ZRANB3: variants seen among roughly 807,000 people sequenced by gnomAD.
The protein encoded by ZRANB3 is zinc finger RANBP2-type containing 3.
ZRANB3 carries 125 observed loss-of-function variants against 133.8 expected under a neutral mutation model. The observed-to-expected ratio is 0.93, with a 90% confidence interval of 0.81 to 1.08. The LOEUF (loss-of-function observed/expected upper bound fraction) is 1.08. Among genes scored for constraint, ZRANB3 ranks in the 50% least tolerant of loss-of-function variants. The pLI is 0.00. For synonymous variants in ZRANB3, 387 were observed against 432.7 expected (o/e 0.89, Z 1.31); for missense variants, 1,229 against 1,275.5 (o/e 0.96, Z 0.56).
intron 1 of ZRANB3, among the ~76,000 whole-genome samples, chr2:135,513,278 G>A (rs1477070340): frequency 1.3e-5 from 2 of 152,096 alleles, no homozygotes; most frequent in East Asian, 3.9e-4. Context: ...AATGAACAAA[G>A]CTAGAGGACT....
At chr2:135,339,387 C>T (rs1157850091) in intron 6 of ZRANB3, among the ~76,000 whole-genome samples, 2 of 150,338 alleles carry the variant, frequency 1.3e-5, no homozygotes, top group South Asian at 2.1e-4. Flanking sequence ...CTGGGTGACA[C>T]AGCAAGACTC....
chr2:135,355,244 T>C lies in ZRANB3; in HGVS notation c.181-1616A>G, dbSNP rs1343030273. The C allele has an allele frequency of 7.1e-6, 7 of 985,322 alleles. No individual in the cohort carries two copies. The African/African-American group carries it at 1.0e-4, about 15-fold the overall frequency. The allele number at this position is 985,322 out of a possible 1,614,324, so 61.0% of individuals were successfully genotyped here. A position where few individuals can be genotyped will look rare whatever the true frequency, so the allele number is the denominator to read the frequency against. On this transcript the variant is annotated intron_variant, in intron 3 of 20. Coordinates refer to ENST00000264159, the MANE Select transcript of ZRANB3 (RefSeq NM_032143.4). ...ATTTACACATTCGTTGGATAATAAT[T>C]AGTATGTTTCCGTGTCTTCAAAGCC...
intron 3 of ZRANB3, among the ~76,000 whole-genome samples, chr2:135,384,672 T>A (rs1158443988): frequency 1.3e-5 from 2 of 152,244 alleles, no homozygotes; most frequent in Admixed American, 6.5e-5. Flanking sequence ...ATCCCTGGGA[T>A]GCAAGGCTGG....
intron 2 of ZRANB3, among the ~76,000 whole-genome samples, chr2:135,427,005 A>C (rs2104976903): frequency 6.7e-6 from 1 of 149,094 alleles, no homozygotes; most frequent in Non-Finnish European, 1.5e-5. Context: ...TTTTCAATAA[A>C]ATTCAACATC....
intron 1 of ZRANB3, among the ~76,000 whole-genome samples, chr2:135,505,376 C>T (rs941457316): frequency 6.6e-6 from 1 of 152,028 alleles, no homozygotes; most frequent in African/African-American, 2.4e-5. Context: ...GAGTTCAAGA[C>T]CAGACTGGCC....
chr2:135,440,742 G>A (rs1381754167), intron 2 of ZRANB3, among the ~76,000 whole-genome samples: 1 of 152,168 alleles, frequency 6.6e-6, no homozygotes, highest in East Asian at 1.9e-4. Context: ...ATTCTGAGCA[G>A]GGTATCCAGC....
chr2:135,396,595 T>C (rs968169466), intron 2 of ZRANB3, among the ~76,000 whole-genome samples: 5 of 152,092 alleles, frequency 3.3e-5, no homozygotes, highest in African/African-American at 1.2e-4. Context: ...CTCACTTATG[T>C]GTGGGAATCC....
At chr2:135,306,521 T>C (rs1435836968) in intron 8 of ZRANB3, among the ~76,000 whole-genome samples, 1 of 151,654 alleles carries the variant, frequency 6.6e-6, no homozygotes, top group African/African-American at 2.4e-5. Flanking sequence ...CTTGATCTTC[T>C]GACCTCGTGA....
At chr2:135,311,403 T>C (rs143675134) in intron 8 of ZRANB3, among the ~76,000 whole-genome samples, 1 of 151,986 alleles carries the variant, frequency 6.6e-6, no homozygotes, top group East Asian at 1.9e-4. Flanking sequence ...ATTTGGCAGT[T>C]TTTTTTATCA....
chr2:135,201,250 T>G (rs189646450), intron 20 of ZRANB3, among the ~76,000 whole-genome samples: 103 of 152,358 alleles, frequency 6.8e-4, no homozygotes, highest in African/African-American at 2.3e-3. Context: ...CTTAATTCTC[T>G]TATAGGTCTT....
chr2:135,455,595 T>C (rs1216370439), intron 2 of ZRANB3, among the ~76,000 whole-genome samples: 6 of 145,428 alleles, frequency 4.1e-5, no homozygotes, highest in African/African-American at 1.0e-4. Context: ...TTTTCTTTTT[T>C]TTTTTTTTTT....
At chr2:135,471,720 A>G (rs1247125020) in intron 2 of ZRANB3, among the ~76,000 whole-genome samples, 1 of 152,226 alleles carries the variant, frequency 6.6e-6, no homozygotes, top group African/African-American at 2.4e-5. Context: ...AGTTTTCTCG[A>G]TAGTACATCA....
chr2:135,391,582 CT>C (rs200286702), intron 2 of ZRANB3, among the ~76,000 whole-genome samples: 637 of 142,058 alleles, frequency 4.5e-3, no homozygotes, highest in African/African-American at 0.011. Flanking sequence ...TTATTTCTTT[CT>C]TTTTTTTTTT....
rs781463482 is a variant in ZRANB3 at position 135,265,657 on chromosome 2, A to G, written c.1416T>C (p.Gly472=). 6 of 1,613,648 alleles carry G rather than the reference A, an allele frequency of 3.7e-6. No individual in the cohort carries two copies. Among genetic ancestry groups the G allele is most frequent in the Admixed American group, 3.3e-5 (2 of 59,994 alleles). Residue 472 remains glycine (G), a synonymous_variant, in exon 12 of 21, where the codon GGT becomes GGC. Transcript: ENST00000264159. ...KAQVTGSTLN[G]RKEKIQAEEG... ...CCTCAGCCTGAATTTTTTCTTTCCT[A>G]CCGTTCAGTGTGCTCCCTGTAACTT...
At chr2:135,454,013 T>C (rs1690387064) in intron 2 of ZRANB3, among the ~76,000 whole-genome samples, 1 of 152,194 alleles carries the variant, frequency 6.6e-6, no homozygotes, top group Non-Finnish European at 1.5e-5. Flanking sequence ...GCCTCAGAAT[T>C]ATGACAGGAG....
At chr2:135,245,631 T>A (rs1315191927) in intron 12 of ZRANB3, among the ~76,000 whole-genome samples, 2 of 151,634 alleles carry the variant, frequency 1.3e-5, no homozygotes, top group African/African-American at 4.8e-5. Context: ...TTTTGTATTT[T>A]TAATAGAGAC....
chr2:135,331,874 C>CT (rs561139615), intron 6 of ZRANB3, among the ~76,000 whole-genome samples: 1 of 151,088 alleles, frequency 6.6e-6, no homozygotes, highest in Admixed American at 6.6e-5. Context: ...GAGACTTTTA[C>CT]TTTTTTAAGA....
chr2:135,264,379 G>A (rs913243840), intron 12 of ZRANB3, among the ~76,000 whole-genome samples: 63 of 150,936 alleles, frequency 4.2e-4, no homozygotes, highest in Admixed American at 1.3e-3. Flanking sequence ...GACTGAGGCA[G>A]GAGAATCGCT....
intron 2 of ZRANB3, among the ~76,000 whole-genome samples, chr2:135,443,232 G>C (rs1689864563): frequency 6.6e-6 from 1 of 152,070 alleles, no homozygotes; most frequent in Non-Finnish European, 1.5e-5. Flanking sequence ...CAGGGACATG[G>C]AAGAAGCTGG....
Sources: allele counts gnomAD v4.1 joint callset (sites outside exome capture counted in the v4.1 genomes callset), GRCh38; gene constraint gnomAD v4.1.1; transcripts MANE v1.5; gene names NCBI Gene and HGNC (gene_info 2026-07-23, HGNC 2026-07-21).